Variants in ACAD8 observed in about 807,000 individuals in gnomAD.
ACAD8 encodes the protein acyl-CoA dehydrogenase family member 8.
Under a neutral mutation model 53.1 loss-of-function variants are expected in ACAD8, and 47 were observed. The observed-to-expected ratio is 0.89, with a 90% CI of 0.70 to 1.13. The LOEUF is 1.13. Among genes scored for constraint, ACAD8 ranks in the 50% most tolerant of loss-of-function variants. ACAD8 has a pLI of 0.00. For synonymous variants in ACAD8, 198 were observed against 201.3 expected, an observed-to-expected ratio of 0.98 and a Z score of 0.14; for missense variants, 494 against 535.0, an observed-to-expected ratio of 0.92 and a Z score of 0.76.
At chr11:134,255,195 G>A (rs1939436323) in intron 1 of ACAD8, among the ~76,000 whole-genome samples, 1 of 152,144 alleles carries the variant, frequency 6.6e-6, no homozygotes, top group African/African-American at 2.4e-5. Flanking sequence ...GGAGTACAGT[G>A]GTGCGATCTC....
chr11:134,257,083 C>T lies in ACAD8; in HGVS notation c.211-5C>T. ...GCTGATCACCCTGCTCTCTTTTGTA[C>T]ATAGGAGCTGTTCCCAGTGGATGTG... is the stretch of plus-strand genomic sequence containing the variant. On this transcript the variant is annotated splice_polypyrimidine_tract_variant and splice_region_variant and intron_variant, in intron 2 of 10. Transcript: ENST00000281182. 6.2e-7 allele frequency: 1 copy of T among 1,614,150 alleles called. No individual in the cohort carries two copies. Among genetic ancestry groups the T allele is most frequent in the Non-Finnish European group, 8.5e-7 (1 of 1,180,006 alleles).
chr11:134,260,295 C>A (rs12226809), intron 6 of ACAD8: 1 of 687,384 alleles, frequency 1.5e-6, no homozygotes, highest in Non-Finnish European at 1.9e-6. Flanking sequence ...ATCATGTAAC[C>A]GTAATTGGTA....
intron 2 of ACAD8, 92 bp downstream of exon 2, chr11:134,256,740 C>T (rs1292467437): frequency 1.4e-5 from 16 of 1,157,690 alleles, no homozygotes; most frequent in Non-Finnish European, 1.6e-5. Flanking sequence ...TGTTAAATGT[C>T]TCCTCCACTT....
rs768430901 is a variant in ACAD8 at position 134,264,963 on chromosome 11, C to G, written c.*3C>G. The G allele has an allele frequency of 1.2e-6, 2 of 1,613,890 alleles. No individual in the cohort carries two copies. Among genetic ancestry groups the G allele is most frequent in the Admixed American group, 3.3e-5 (2 of 60,008 alleles). ...CTAGAAGCCTGCTTCAGGAGTAGAA[C>G]CCACACTTGTTCTGGCCTGGTGTTC... is the stretch of plus-strand genomic sequence containing the variant. On this transcript the variant is annotated 3_prime_UTR_variant, in exon 11 of 11. Coordinates refer to ENST00000281182, the MANE Select transcript of ACAD8 (RefSeq NM_014384.3).
intron 9 of ACAD8, chr11:134,262,127 T>A (rs1939917071): frequency 2.9e-6 from 2 of 678,504 alleles, no homozygotes; most frequent in Non-Finnish European, 5.4e-6. Context: ...TTGGTTGTGT[T>A]CTAGGCGAGA....
intron 6 of ACAD8, chr11:134,260,329 AT>A: frequency 2.7e-6 from 1 of 373,898 alleles, no homozygotes; most frequent in Non-Finnish European, 3.9e-6. Context: ...ACCCATTCAG[AT>A]TTTTTAGACC....
intron 9 of ACAD8, 46 bp from the exon 10 acceptor site, chr11:134,262,474 A>C: frequency 7.3e-7 from 1 of 1,374,178 alleles, no homozygotes; most frequent in Non-Finnish European, 1.0e-6. Context: ...TGCTTGCTCC[A>C]CAGTCTTCCC....
chr11:134,258,887 G>C, intron 4 of ACAD8, 121 bp from the exon 5 acceptor site: 1 of 947,702 alleles, frequency 1.1e-6, no homozygotes, highest in African/African-American at 1.6e-5. Context: ...GGGTTTTGCA[G>C]TGACACACTC....
Position 134,257,221 on chromosome 11 carries a change from G to A in ACAD8, c.344G>A (p.Gly115Asp). 1 of 1,614,194 alleles carries A rather than the reference G, an allele frequency of 6.2e-7. No homozygotes were observed. The highest frequency in any genetic ancestry group is 8.5e-7 in the Non-Finnish European group (1 of 1,180,034). Reference protein sequence around the residue: ...TSVIFEALATGCTSTTAYISI... With the variant: ...TSVIFEALATDCTSTTAYISI... ...GTCATTTTTGAAGCCTTGGCTACAG[G>A]CTGCACCAGCACCACAGCCTATATA... Residue 115 changes from glycine to aspartate, a missense_variant, in exon 3 of 11, where the codon GGC becomes GAC. Coordinates refer to ENST00000281182, the MANE Select transcript of ACAD8 (RefSeq NM_014384.3).
In ACAD8 at chr11:134,265,011, A is replaced by ACTGCCAT; in HGVS notation, c.*51_*52insCTGCCAT. ...TTCAGTGCGACTGCAGTCAGTGTTG[A>ACTGCCAT]GTGGTGCCATGTGGGCCGCTCTATT... On this transcript the variant is annotated 3_prime_UTR_variant, in exon 11 of 11. Transcript: ENST00000281182. 6.3e-7 allele frequency: 1 copy of ACTGCCAT among 1,587,460 alleles called. No individual in the cohort carries two copies. The highest frequency in any genetic ancestry group is 8.7e-7 in the Non-Finnish European group (1 of 1,156,062).
chr11:134,258,868 TG>T, intron 4 of ACAD8, 139 bp from the exon 5 acceptor site: 1 of 825,772 alleles, frequency 1.2e-6, no homozygotes, highest in Admixed American at 1.9e-5. Context: ...AGAGTTCCTT[TG>T]GCCACTTGGG....
At chr11:134,256,524 C>G (rs529148533) in intron 1 of ACAD8, 24 bp from the exon 2 acceptor site, 4 of 1,595,928 alleles carry the variant, frequency 2.5e-6, no homozygotes, top group Non-Finnish European at 2.6e-6. Context: ...TGTCCTAGAA[C>G]AGTATATGCA....
At chr11:134,257,538 T>A (rs1939612126) in intron 3 of ACAD8, among the ~76,000 whole-genome samples, 1 of 151,938 alleles carries the variant, frequency 6.6e-6, no homozygotes, top group African/African-American at 2.4e-5. Flanking sequence ...CCGGGTGTGG[T>A]GGCTGGCGCC....
intron 1 of ACAD8, among the ~76,000 whole-genome samples, chr11:134,256,199 G>A (rs1485247821): frequency 3.9e-5 from 6 of 152,162 alleles, no homozygotes; most frequent in Admixed American, 3.9e-4. Flanking sequence ...GAACCATCAC[G>A]CCCAGCCCAT....
At position 134,253,662 on chromosome 11, in the gene ACAD8, G is replaced by A; in HGVS notation, c.62G>A (p.Arg21Gln). The change falls in exon 1 of 11, where the codon CGG becomes CAG. Residue 21 changes from arginine to glutamine, a missense_variant. Physicochemically the swap from Arg to Gln is conservative, Grantham distance 43. Transcript: ENST00000281182. The stretch of plus-strand genomic sequence containing the variant: ...CTCGGCTGCCTGCCCGGCGGTCTCC[G>A]GGTCCTCGTCCAGACCGGCCACCGG... Reference protein sequence around the residue: ...ARLGCLPGGLRVLVQTGHRSL... With the variant: ...ARLGCLPGGLQVLVQTGHRSL... 1 of 1,598,676 alleles carries A rather than the reference G, an allele frequency of 6.3e-7. No individual in the cohort carries two copies.
chr11:134,258,712 A>T, intron 4 of ACAD8, 88 bp downstream of exon 4: 1 of 1,005,226 alleles, frequency 9.9e-7, no homozygotes, highest in Non-Finnish European at 1.5e-6. Context: ...CAGCCTCTTG[A>T]CATGTCGAGC....
intron 1 of ACAD8, among the ~76,000 whole-genome samples, chr11:134,254,433 C>G (rs1280785168): frequency 6.6e-6 from 1 of 152,192 alleles, no homozygotes; most frequent in Admixed American, 6.5e-5. Context: ...GTGGTGGAGA[C>G]CCGGCCAGTT....
intron 10 of ACAD8, 61 bp downstream of exon 10, chr11:134,262,683 C>A: frequency 1.3e-6 from 2 of 1,549,086 alleles, no homozygotes; most frequent in East Asian, 2.4e-5. Flanking sequence ...GCTGCTTTCC[C>A]CACTCTCTGT....
chr11:134,259,647 G>T lies in ACAD8; in HGVS notation c.607G>T (p.Val203Phe). Residue 203 changes from valine (V) to phenylalanine (F), a missense_variant, in exon 6 of 11, where the codon GTC becomes TTC. Coordinates refer to ENST00000281182, the MANE Select transcript of ACAD8 (RefSeq NM_014384.3). Reference sequence around the variant, plus strand: ...TGCTGGTGAGTCAGACATCTATGTGGTCATGTGCCGAACAGGAGGACCAGG... The same window carrying T: ...TGCTGGTGAGTCAGACATCTATGTGTTCATGTGCCGAACAGGAGGACCAGG... The part of the protein sequence containing the change: ...SGAGESDIYV[V>F]MCRTGGPGPK... 1 of 1,614,214 alleles carries T rather than the reference G, an allele frequency of 6.2e-7. No homozygotes were observed. Among genetic ancestry groups the T allele is most frequent in the Non-Finnish European group, 8.5e-7 (1 of 1,180,036 alleles).
Sources: gnomAD v4.1 joint callset for allele counts (sites outside exome capture counted in the v4.1 genomes callset) on GRCh38, gnomAD v4.1.1 for gene constraint, MANE v1.5 for transcripts, NCBI Gene and HGNC (gene_info 2026-07-23, HGNC 2026-07-21) for gene names.